The following NBPF20 variants were observed in gnomAD, a reference collection of about 807,000 sequenced individuals.
NBPF20 encodes the protein NBPF member 20.
NBPF20 carries 90 observed loss-of-function variants against 68.1 expected under a neutral mutation model. That is an observed-to-expected ratio of 1.32 (90% confidence interval 1.11 to 1.58). The LOEUF (loss-of-function observed/expected upper bound fraction) is 1.58. NBPF20 is among the 40% of genes most tolerant of loss of function. The pLI, the probability that NBPF20 is intolerant of heterozygous loss-of-function variation, is 0.00. For synonymous variants in NBPF20, 290 were observed against 228.1 expected (o/e 1.27, Z -2.45); for missense variants, 816 against 601.2 (o/e 1.36, Z -3.74).
intron 9 of NBPF20, chr1:145,393,665 A>C (rs1240878064): frequency 1.5e-6 from 2 of 1,305,456 alleles, no homozygotes; most frequent in South Asian, 1.4e-5. Context: ...ACAGCTTTTG[A>C]GTTATGGTCA....
chr1:145,421,297 T>C, the NBPF20 span, among the ~76,000 whole-genome samples: 1 of 152,200 alleles, frequency 6.6e-6, no homozygotes, highest in African/African-American at 2.4e-5. Flanking sequence ...ACACGTATAT[T>C]CTACAGGCTG....
intron 112 of NBPF20, among the ~76,000 whole-genome samples, chr1:145,311,901 A>G (rs1661494156): frequency 8.9e-6 from 1 of 112,646 alleles, no homozygotes; most frequent in Non-Finnish European, 1.8e-5. Context: ...GAAATCTACA[A>G]GATCTACAAA....
exon 138 of NBPF20, chr1:145,291,540 T>C (rs782091090): frequency 5.6e-6 from 9 of 1,612,022 alleles, no homozygotes; most frequent in East Asian, 4.5e-5. Context: ...TGTGGGAATA[T>C]GACTCCCATC....
chr1:145,400,088 T>C (rs1553664904), intron 6 of NBPF20, among the ~76,000 whole-genome samples: 1 of 152,290 alleles, frequency 6.6e-6, no homozygotes, highest in East Asian at 1.9e-4. Context: ...GAGGACTTAA[T>C]CACAGATGAC....
chr1:145,400,202 T>G (rs1329537802), intron 6 of NBPF20, among the ~76,000 whole-genome samples, 187 bp downstream of exon 11: 4 of 152,180 alleles, frequency 2.6e-5, no homozygotes, highest in Non-Finnish European at 5.9e-5. Context: ...GTTGAGTAAC[T>G]TGATACTGGG....
chr1:145,314,261 C>A (rs1661517689), intron 109 of NBPF20, among the ~76,000 whole-genome samples: 1 of 140,582 alleles, frequency 7.1e-6, no homozygotes, highest in African/African-American at 2.9e-5. Flanking sequence ...CAGACACACA[C>A]ACACACAGAG....
the NBPF20 span, among the ~76,000 whole-genome samples, chr1:145,417,304 A>G: frequency 6.6e-6 from 1 of 151,260 alleles, no homozygotes; most frequent in Non-Finnish European, 1.5e-5. Flanking sequence ...CATGTTATAT[A>G]CCCTTTATAA....
intron 109 of NBPF20, among the ~76,000 whole-genome samples, chr1:145,314,262 A>C (rs1661517740): frequency 7.1e-6 from 1 of 140,414 alleles, no homozygotes; most frequent in East Asian, 2.0e-4. Context: ...AGACACACAC[A>C]CACACAGAGA....
chr1:145,292,622 C>G, intron 136 of NBPF20, 133 bp from the exon 142 acceptor site: 1 of 744,348 alleles, frequency 1.3e-6, no homozygotes, highest in Non-Finnish European at 2.4e-6. Context: ...AGATATATTT[C>G]AGGAGGCCTG....
intron 7 of NBPF20, among the ~76,000 whole-genome samples, chr1:145,398,647 C>T (rs1413250472): frequency 6.6e-6 from 1 of 151,754 alleles, no homozygotes; most frequent in Non-Finnish European, 1.5e-5. Context: ...AATTGACACC[C>T]TAACATCACA....
At chr1:145,397,645 G>A (rs1351048567) in intron 7 of NBPF20, among the ~76,000 whole-genome samples, 2 of 152,206 alleles carry the variant, frequency 1.3e-5, no homozygotes, top group African/African-American at 4.8e-5. Flanking sequence ...AAACTGTAAA[G>A]ACCATTGACG....
chr1:145,400,551 G>T (rs1662473663), exon 6 of NBPF20: 3 of 1,612,562 alleles, frequency 1.9e-6, no homozygotes, highest in African/African-American at 1.3e-5. Flanking sequence ...CATTCCTCCT[G>T]TGAGTCCTCA....
In NBPF20 at chr1:145,394,524, G is replaced by T. The variant is rs1462040688; in HGVS notation, c.991+454C>A. Among the ~76,000 whole-genome samples the T allele has an allele frequency of 1.7e-3, 252 of 152,100 alleles. 3 individuals carry two copies. The highest frequency in any genetic ancestry group is 2.6e-3 in the Non-Finnish European group (180 of 68,004). On this transcript the variant is annotated intron_variant, in intron 8 of 137. Transcript: ENST00000369373. ...ATGGGAATAAATTCAGTGAAACCTG[G>T]GTCACATCTTTCACTGAGAGGTAGA... is the stretch of plus-strand genomic sequence containing the variant.
At chr1:145,421,225 G>T in the NBPF20 span, among the ~76,000 whole-genome samples, 2 of 152,192 alleles carry the variant, frequency 1.3e-5, no homozygotes, top group Non-Finnish European at 2.9e-5. Flanking sequence ...GGAATTAAGA[G>T]TGTGTGGGTG....
At chr1:145,396,104 G>GA (rs1196135570) in intron 7 of NBPF20, among the ~76,000 whole-genome samples, 7 of 147,176 alleles carry the variant, frequency 4.8e-5, no homozygotes, top group Non-Finnish European at 7.4e-5. Context: ...TAAAAACCTT[G>GA]AAAAAAGATT....
chr1:145,421,235 GTAGT>G, the NBPF20 span, among the ~76,000 whole-genome samples: 1 of 152,188 alleles, frequency 6.6e-6, no homozygotes, highest in Non-Finnish European at 1.5e-5. Flanking sequence ...GTGTGTGGGT[GTAGT>G]TAATGCTTCT....
exon 6 of NBPF20, chr1:145,400,568 T>G (rs1662474868): frequency 6.2e-7 from 1 of 1,612,198 alleles, no homozygotes; most frequent in Non-Finnish European, 8.5e-7. Flanking sequence ...CTCAGGGACT[T>G]CCTTTTCTTC....
the NBPF20 span, among the ~76,000 whole-genome samples, chr1:145,420,913 T>TAATCA: frequency 1.8e-4 from 6 of 32,778 alleles, no homozygotes; most frequent in Non-Finnish European, 6.2e-5. Flanking sequence ...CTGTCATATG[T>TAATCA]AATCAACAGT....
the NBPF20 span, among the ~76,000 whole-genome samples, chr1:145,413,394 G>A: frequency 1.3e-5 from 2 of 150,892 alleles, no homozygotes; most frequent in African/African-American, 2.4e-5. Flanking sequence ...TTCATAATAG[G>A]AAAAACTGGA....
Sources: gnomAD v4.1 joint callset for allele counts (sites outside exome capture counted in the v4.1 genomes callset) on GRCh38, gnomAD v4.1.1 for gene constraint, MANE v1.5 for transcripts, NCBI Gene and HGNC (gene_info 2026-07-23, HGNC 2026-07-21) for gene names.